DMXL1: variants seen among roughly 807,000 people sequenced by gnomAD.
The protein encoded by DMXL1 is dmX-like protein 1.
DMXL1 carries 99 observed loss-of-function variants against 319.2 expected under a neutral mutation model. The observed-to-expected ratio is 0.31, with a 90% CI of 0.26 to 0.37. DMXL1 has a LOEUF of 0.37. DMXL1 is among the 10% of genes least tolerant of loss of function. The pLI is 1.00. For synonymous variants in DMXL1, 1,385 were observed against 1,235.2 expected (o/e 1.12, Z -2.54); for missense variants, 3,745 against 3,595.6 (o/e 1.04, Z -1.06).
At chr5:119,209,144 A>G (rs1018915347) in intron 34 of DMXL1, among the ~76,000 whole-genome samples, 3 of 152,220 alleles carry the variant, frequency 2.0e-5, no homozygotes, top group African/African-American at 7.2e-5. Flanking sequence ...GACCTATTCC[A>G]AATAAGACTG....
chr5:119,147,600 C>T (rs1768868675), intron 17 of DMXL1, 130 bp downstream of exon 17: 2 of 621,894 alleles, frequency 3.2e-6, no homozygotes, highest in Admixed American at 3.1e-5. Flanking sequence ...ATTCAAGTAC[C>T]CTAAATTGAA....
intron 34 of DMXL1, among the ~76,000 whole-genome samples, chr5:119,214,814 A>G (rs1312156825): frequency 2.0e-5 from 3 of 152,192 alleles, no homozygotes; most frequent in Non-Finnish European, 4.4e-5. Context: ...TCATACCTGC[A>G]GGAGCTTTCT....
rs1212731212 is a variant in DMXL1, at chr5:119,189,891, T to C, written c.7314+5T>C. ...TGGGACTATTTCATAGCTAAGGTAA[T>C]TAAAATGCTATCTAGATCAATATTT... On this transcript the variant is annotated splice_donor_5th_base_variant and intron_variant, in intron 29 of 43. Transcript: ENST00000539542. 3.1e-6 allele frequency: 5 copies of C among 1,610,878 alleles called. No individual in the cohort carries two copies. The highest frequency in any genetic ancestry group is 3.3e-4 in the Middle Eastern group (2 of 6,048).
At chr5:119,223,353 T>C (rs1261531211) in intron 37 of DMXL1, among the ~76,000 whole-genome samples, 1 of 152,098 alleles carries the variant, frequency 6.6e-6, no homozygotes, top group Admixed American at 6.6e-5. Context: ...CACCGTGCCC[T>C]GCCTTAAGTT....
At chr5:119,184,561 G>C (rs1019635126) in intron 28 of DMXL1, among the ~76,000 whole-genome samples, 1 of 152,250 alleles carries the variant, frequency 6.6e-6, no homozygotes, top group East Asian at 1.9e-4. Context: ...ATATAGTTTA[G>C]TAGTAAGTCT....
intron 19 of DMXL1, among the ~76,000 whole-genome samples, chr5:119,162,235 G>T (rs780338902): frequency 6.6e-6 from 1 of 152,118 alleles, no homozygotes; most frequent in African/African-American, 2.4e-5. Flanking sequence ...TGTGGTCCTC[G>T]CAGGTGTCTC....
intron 4 of DMXL1, 127 bp downstream of exon 4, chr5:119,105,385 G>C: frequency 1.5e-6 from 1 of 678,244 alleles, no homozygotes; most frequent in South Asian, 1.9e-5. Flanking sequence ...AAGTAAAATG[G>C]ATTATGCCCT....
chr5:119,238,537 A>G (rs540264830), intron 40 of DMXL1, among the ~76,000 whole-genome samples: 1 of 152,268 alleles, frequency 6.6e-6, no homozygotes. Context: ...TCAATTATTT[A>G]ACAAAAGTCT....
chr5:119,191,896 T>C (rs779752346), intron 29 of DMXL1, among the ~76,000 whole-genome samples: 1 of 152,334 alleles, frequency 6.6e-6, no homozygotes, highest in South Asian at 2.1e-4. Context: ...CATAGATTTT[T>C]AAAAATAAAT....
intron 35 of DMXL1, among the ~76,000 whole-genome samples, chr5:119,219,795 T>G (rs1440115127): frequency 6.6e-6 from 1 of 152,122 alleles, no homozygotes; most frequent in African/African-American, 2.4e-5. Context: ...ATCGAACTCC[T>G]GAGCTCAAGC....
chr5:119,098,587 T>C (rs1485309721), intron 2 of DMXL1, among the ~76,000 whole-genome samples: 1 of 152,138 alleles, frequency 6.6e-6, no homozygotes, highest in African/African-American at 2.4e-5. Context: ...GTGAAAAACT[T>C]TATCTGGACT....
chr5:119,157,406 T>A (rs146768766), intron 19 of DMXL1, among the ~76,000 whole-genome samples: 16 of 152,356 alleles, frequency 1.1e-4, no homozygotes, highest in Non-Finnish European at 2.2e-4. Context: ...CCCAGACTGA[T>A]GACATGTAGT....
At chr5:119,101,790 G>A (rs1429797487) in intron 2 of DMXL1, 145 bp from the exon 3 acceptor site, 2 of 622,350 alleles carry the variant, frequency 3.2e-6, no homozygotes, top group Admixed American at 6.4e-5. Flanking sequence ...AGATGTGATA[G>A]TCTTCAAAAC....
intron 1 of DMXL1, among the ~76,000 whole-genome samples, chr5:119,073,352 A>G (rs1338278803): frequency 6.6e-6 from 1 of 152,180 alleles, no homozygotes; most frequent in East Asian, 1.9e-4. Context: ...GTGAGCCACC[A>G]TGCCCAGCCC....
At chr5:119,088,050 C>T (rs1281260573) in intron 1 of DMXL1, among the ~76,000 whole-genome samples, 1 of 152,134 alleles carries the variant, frequency 6.6e-6, no homozygotes, top group Non-Finnish European at 1.5e-5. Context: ...GATCTGCCAG[C>T]CTCCGCCTCC....
chr5:119,219,790 A>C (rs76603242), intron 35 of DMXL1, among the ~76,000 whole-genome samples: 128 of 151,994 alleles, frequency 8.4e-4, no homozygotes, highest in African/African-American at 3.1e-3. Flanking sequence ...CTACTATCGA[A>C]CTCCTGAGCT....
intron 1 of DMXL1, among the ~76,000 whole-genome samples, chr5:119,097,097 A>G (rs1342652599): frequency 1.3e-5 from 2 of 152,360 alleles, no homozygotes; most frequent in Non-Finnish European, 2.9e-5. Flanking sequence ...CCAGGCAGAT[A>G]AAAGGCAGAT....
At chr5:119,198,988 A>G (rs146000763) in intron 32 of DMXL1, among the ~76,000 whole-genome samples, 1 of 152,158 alleles carries the variant, frequency 6.6e-6, no homozygotes, top group Non-Finnish European at 1.5e-5. Flanking sequence ...CTAGGCACAA[A>G]CAGTCCTCCT....
At chr5:119,187,288 C>T (rs1197620940) in intron 28 of DMXL1, among the ~76,000 whole-genome samples, 2 of 152,152 alleles carry the variant, frequency 1.3e-5, no homozygotes, top group African/African-American at 4.8e-5. Context: ...AATAAAGTAG[C>T]GGTTTTCCCA....
Sources: gnomAD v4.1 joint callset for allele counts (sites outside exome capture counted in the v4.1 genomes callset) on GRCh38, gnomAD v4.1.1 for gene constraint, MANE v1.5 for transcripts, NCBI Gene and HGNC (gene_info 2026-07-23, HGNC 2026-07-21) for gene names.